The following COLGALT2 variants were observed in gnomAD, a reference collection of about 807,000 sequenced individuals.
COLGALT2 encodes the protein collagen beta(1-O)galactosyltransferase 2.
Under a neutral mutation model 73.4 loss-of-function variants are expected in COLGALT2, and 49 were observed. That is an observed-to-expected ratio of 0.67 (90% CI 0.53 to 0.85). The LOEUF is 0.85. Among genes scored for constraint, COLGALT2 ranks in the 40% least tolerant of loss-of-function variants. The probability of loss-of-function intolerance (pLI) is 0.00; values close to 1 mark genes in which losing one functional copy is unlikely to be tolerated. For missense variants in COLGALT2, 722 were observed against 790.2 expected (o/e 0.91, Z 1.03); for synonymous variants, 295 against 307.6 (o/e 0.96, Z 0.43).
At chr1:183,982,212 G>A (rs2102822850) in intron 1 of COLGALT2, among the ~76,000 whole-genome samples, 1 of 152,214 alleles carries the variant, frequency 6.6e-6, no homozygotes. Flanking sequence ...CAGTTTTGAG[G>A]GATACCAGGT....
intron 1 of COLGALT2, among the ~76,000 whole-genome samples, chr1:184,036,783 T>C (rs1649693186): frequency 6.6e-6 from 1 of 152,170 alleles, no homozygotes; most frequent in South Asian, 2.1e-4. Flanking sequence ...AAAGTCCCCT[T>C]GAGGGGTGTC....
intron 2 of COLGALT2, among the ~76,000 whole-genome samples, chr1:183,976,997 T>C (rs951998099): frequency 1.8e-4 from 27 of 152,216 alleles, no homozygotes; most frequent in Non-Finnish European, 3.1e-4. Flanking sequence ...GCACATTTTC[T>C]TTTGGTGCTA....
intron 1 of COLGALT2, among the ~76,000 whole-genome samples, chr1:183,982,539 G>A (rs12042354): frequency 0.19 from 29,610 of 152,166 alleles, 3,169 homozygotes; most frequent in East Asian, 0.41. Flanking sequence ...ATGAAGAGGA[G>A]TAAGTTAAAA....
chr1:184,012,504 T>C (rs1273470323), intron 1 of COLGALT2, among the ~76,000 whole-genome samples: 1 of 152,238 alleles, frequency 6.6e-6, no homozygotes, highest in Non-Finnish European at 1.5e-5. Flanking sequence ...TATGGATGAC[T>C]CTTGGAAACA....
chr1:184,006,771 T>C (rs1672097671), intron 1 of COLGALT2, among the ~76,000 whole-genome samples: 1 of 152,140 alleles, frequency 6.6e-6, no homozygotes, highest in African/African-American at 2.4e-5. Context: ...ATCATTGTTT[T>C]AACATTGCTA....
intron 1 of COLGALT2, among the ~76,000 whole-genome samples, chr1:184,018,673 G>A (rs1220665758): frequency 2.0e-5 from 3 of 151,916 alleles, no homozygotes; most frequent in Admixed American, 6.6e-5. Context: ...TTAAGTAATA[G>A]GTAATACTGC....
chr1:184,036,146 G>A (rs1302655188), intron 1 of COLGALT2, among the ~76,000 whole-genome samples: 1 of 152,162 alleles, frequency 6.6e-6, no homozygotes, highest in Non-Finnish European at 1.5e-5. Flanking sequence ...CTACCTGACA[G>A]CACATCTCCC....
In COLGALT2 at chr1:183,991,397, C is replaced by T. The variant is rs140121245; in HGVS notation, c.264-12877G>A. Among the ~76,000 whole-genome samples the T allele has an allele frequency of 7.8e-4, 118 of 152,182 alleles. 1 individual carries two copies. Among genetic ancestry groups the T allele is most frequent in the African/African-American group, 2.8e-3 (115 of 41,528 alleles). On this transcript the variant is annotated intron_variant, in intron 1 of 11. Coordinates refer to ENST00000361927, the MANE Select transcript of COLGALT2 (RefSeq NM_015101.4). ...TTCTCTGCTACAGTATTTGTTTCCC[C>T]ATTGAGAAAGCTGGACTAGAAATGT...
At chr1:183,961,629 T>C (rs916791769) in intron 6 of COLGALT2, among the ~76,000 whole-genome samples, 2 of 152,218 alleles carry the variant, frequency 1.3e-5, no homozygotes. Flanking sequence ...AATCTGATTC[T>C]CCCTTCAAAA....
intron 1 of COLGALT2, among the ~76,000 whole-genome samples, chr1:184,009,473 A>T (rs1672177031): frequency 6.6e-6 from 1 of 152,202 alleles, no homozygotes; most frequent in African/African-American, 2.4e-5. Context: ...CTAAATCTAG[A>T]TTGTAAATGG....
At chr1:184,016,030 G>C (rs1648991118) in intron 1 of COLGALT2, among the ~76,000 whole-genome samples, 1 of 152,110 alleles carries the variant, frequency 6.6e-6, no homozygotes, top group Non-Finnish European at 1.5e-5. Context: ...TGTCATGGGT[G>C]GCTTTATTTA....
chr1:183,984,844 C>G (rs961859014), intron 1 of COLGALT2, among the ~76,000 whole-genome samples: 9 of 152,158 alleles, frequency 5.9e-5, no homozygotes, highest in African/African-American at 1.7e-4. Flanking sequence ...AAGGGAAACA[C>G]GTATTGGAGA....
At chr1:183,969,239 T>C (rs377020328) in intron 5 of COLGALT2, 30 bp downstream of exon 5, 104 of 1,571,256 alleles carry the variant, frequency 6.6e-5, no homozygotes, top group Admixed American at 4.2e-4. Flanking sequence ...GTGTCTCCAT[T>C]GTGGCACTAC....
chr1:183,997,695 A>G (rs1467936360), intron 1 of COLGALT2, among the ~76,000 whole-genome samples: 3 of 152,242 alleles, frequency 2.0e-5, no homozygotes, highest in African/African-American at 7.2e-5. Context: ...AGCTTGCTTT[A>G]TAGTTTCACT....
At chr1:183,939,093 C>T in intron 11 of COLGALT2, 56 bp from the exon 12 acceptor site, 1 of 1,386,704 alleles carries the variant, frequency 7.2e-7, no homozygotes, top group Non-Finnish European at 1.0e-6. Context: ...ACTTACGGAA[C>T]AGGGACAAAG....
intron 1 of COLGALT2, among the ~76,000 whole-genome samples, chr1:184,030,270 G>A (rs1310722469): frequency 6.6e-6 from 1 of 152,116 alleles, no homozygotes; most frequent in Non-Finnish European, 1.5e-5. Flanking sequence ...AAATAAAAAT[G>A]TCAAAACATA....
chr1:184,035,714 T>TA (rs576133960), intron 1 of COLGALT2, among the ~76,000 whole-genome samples: 29 of 152,146 alleles, frequency 1.9e-4, no homozygotes, highest in South Asian at 4.1e-4. Context: ...AAATATCTCT[T>TA]AAAAAAAACA....
At chr1:183,964,817 T>C (rs1159350759) in intron 5 of COLGALT2, among the ~76,000 whole-genome samples, 1 of 152,194 alleles carries the variant, frequency 6.6e-6, no homozygotes, top group East Asian at 1.9e-4. Flanking sequence ...TGGTCAGCAA[T>C]TGACACTCCT....
chr1:183,941,407 T>C (rs561363459), intron 10 of COLGALT2, among the ~76,000 whole-genome samples: 68 of 152,334 alleles, frequency 4.5e-4, no homozygotes, highest in African/African-American at 6.5e-4. Context: ...GACATGCTGC[T>C]CTGAGAAAGG....
Sources: gnomAD v4.1 joint callset for allele counts (sites outside exome capture counted in the v4.1 genomes callset) on GRCh38, gnomAD v4.1.1 for gene constraint, MANE v1.5 for transcripts, NCBI Gene and HGNC (gene_info 2026-07-23, HGNC 2026-07-21) for gene names.